Variants in SLC10A7 observed in about 807,000 individuals in gnomAD.
SLC10A7 encodes the protein sodium/bile acid cotransporter 7.
A neutral mutation model predicts 43.2 loss-of-function variants in SLC10A7; 29 were observed. That is an observed-to-expected ratio of 0.67 (90% CI 0.50 to 0.92). The LOEUF is 0.92. Among genes scored for constraint, SLC10A7 ranks in the 40% least tolerant of loss-of-function variants. The pLI is 0.00. For synonymous variants in SLC10A7, 152 were observed against 144.8 expected, an observed-to-expected ratio of 1.05 and a Z score of -0.35; for missense variants, 295 against 403.2, an observed-to-expected ratio of 0.73 and a Z score of 2.30.
intron 5 of SLC10A7, among the ~76,000 whole-genome samples, chr4:146,375,681 A>T (rs895143468): frequency 2.6e-5 from 4 of 152,082 alleles, no homozygotes; most frequent in African/African-American, 9.7e-5. Flanking sequence ...GAATGTTGTA[A>T]AGGCTAAGAA....
intron 5 of SLC10A7, among the ~76,000 whole-genome samples, chr4:146,410,056 ATCTCTCACACATTATATCATCTGAT>A (rs1442372483): frequency 6.6e-6 from 1 of 152,214 alleles, no homozygotes; most frequent in Non-Finnish European, 1.5e-5. Flanking sequence ...ATCACAAAGT[ATCTCTCACACATTATATCATCTGAT>A]TCTCACAGTA....
At chr4:146,424,731 T>C (rs866530918) in intron 5 of SLC10A7, among the ~76,000 whole-genome samples, 1 of 151,732 alleles carries the variant, frequency 6.6e-6, no homozygotes, top group Admixed American at 6.6e-5. Context: ...TATAAAACCA[T>C]ATTTGAGACT....
intron 2 of SLC10A7, chr4:146,514,038 C>T (rs1178552408): frequency 6.6e-6 from 1 of 152,160 alleles, no homozygotes; most frequent in Non-Finnish European, 1.5e-5. Flanking sequence ...AACCAGGGCT[C>T]TAATTGGGAC....
intron 5 of SLC10A7, among the ~76,000 whole-genome samples, chr4:146,423,679 C>T (rs1284136546): frequency 6.6e-6 from 1 of 152,148 alleles, no homozygotes; most frequent in Admixed American, 6.5e-5. Flanking sequence ...TAGTGCTACT[C>T]AATAGCCCTA....
intron 5 of SLC10A7, among the ~76,000 whole-genome samples, chr4:146,410,218 A>T (rs897180731): frequency 5.9e-5 from 9 of 152,168 alleles, no homozygotes; most frequent in African/African-American, 1.9e-4. Context: ...CAGGAAATAA[A>T]CTAAGATATT....
intron 5 of SLC10A7, among the ~76,000 whole-genome samples, chr4:146,402,300 T>C (rs1739278373): frequency 6.6e-6 from 1 of 152,224 alleles, no homozygotes; most frequent in African/African-American, 2.4e-5. Flanking sequence ...ACAGGATGTA[T>C]GCTAGTCTTC....
intron 2 of SLC10A7, among the ~76,000 whole-genome samples, chr4:146,512,967 C>A (rs1177955488): frequency 6.6e-6 from 1 of 151,830 alleles, no homozygotes; most frequent in East Asian, 1.9e-4. Flanking sequence ...AAACAATGTA[C>A]AAGACACATT....
At chr4:146,497,081 G>C (rs1707354952) in intron 4 of SLC10A7, among the ~76,000 whole-genome samples, 1 of 152,180 alleles carries the variant, frequency 6.6e-6, no homozygotes, top group Non-Finnish European at 1.5e-5. Context: ...GGAGATTCTT[G>C]AGGCCCATCC....
intron 5 of SLC10A7, among the ~76,000 whole-genome samples, chr4:146,412,126 G>A (rs941620983): frequency 2.0e-5 from 3 of 149,920 alleles, no homozygotes; most frequent in Non-Finnish European, 3.0e-5. Context: ...CTCTACAGTT[G>A]TCTTTTATCT....
intron 10 of SLC10A7, among the ~76,000 whole-genome samples, chr4:146,273,105 G>C (rs999989345): frequency 1.3e-5 from 2 of 152,152 alleles, no homozygotes; most frequent in African/African-American, 2.4e-5. Flanking sequence ...GGAATTAAAA[G>C]CTTCTAATGC....
Position 146,291,633 on chromosome 4 carries a change from C to T in SLC10A7, c.773+1296G>A, listed in dbSNP as rs192333087. 5.3e-5 allele frequency among the ~76,000 whole-genome samples: 8 copies of T among 152,092 alleles called. No individual in the cohort carries two copies. In the East Asian group the frequency reaches 1.5e-3, roughly 29 times the overall value. On this transcript the variant is annotated intron_variant, in intron 9 of 11. Transcript: ENST00000335472. ...TCTTCCTCTACTCCTTTTGTCTCAC[C>T]ATATCTTGATTTTTGTATGTGTCCA... is the stretch of plus-strand genomic sequence containing the variant.
intron 4 of SLC10A7, among the ~76,000 whole-genome samples, chr4:146,465,650 A>G (rs890043013): frequency 6.6e-6 from 1 of 152,158 alleles, no homozygotes; most frequent in Non-Finnish European, 1.5e-5. Context: ...TCCATGCACA[A>G]AGTTCCTATT....
At position 146,365,252 on chromosome 4, in the gene SLC10A7, T is replaced by C. The variant is rs547496156; in HGVS notation, c.436-39256A>G. ...ACAAAGCAAAACACCACCTTTTATT[T>C]ATATAAACACTGAATATAATTAGTA... On this transcript the variant is annotated intron_variant, in intron 5 of 11. Coordinates refer to ENST00000335472, the MANE Select transcript of SLC10A7 (RefSeq NM_001029998.6). 3.9e-5 allele frequency among the ~76,000 whole-genome samples: 6 copies of C among 152,360 alleles called. No individual in the cohort carries two copies. In the East Asian group the frequency reaches 5.8e-4, roughly 15 times the overall value.
chr4:146,366,470 T>C (rs1373788692), intron 5 of SLC10A7, among the ~76,000 whole-genome samples: 1 of 152,154 alleles, frequency 6.6e-6, no homozygotes, highest in African/African-American at 2.4e-5. Context: ...TTTCAGTTTT[T>C]GAATGTGGAA....
At chr4:146,357,872 T>C (rs1735766469) in intron 5 of SLC10A7, among the ~76,000 whole-genome samples, 1 of 152,094 alleles carries the variant, frequency 6.6e-6, no homozygotes, top group Non-Finnish European at 1.5e-5. Context: ...GGCAAAGATG[T>C]GGCAGTTTTC....
intron 5 of SLC10A7, among the ~76,000 whole-genome samples, chr4:146,382,748 T>C (rs1737717050): frequency 6.6e-6 from 1 of 152,124 alleles, no homozygotes; most frequent in Non-Finnish European, 1.5e-5. Context: ...TCCAAATGTG[T>C]TTAAAATCAC....
chr4:146,264,905 C>A (rs990617626), intron 10 of SLC10A7, among the ~76,000 whole-genome samples: 3 of 152,170 alleles, frequency 2.0e-5, no homozygotes, highest in Non-Finnish European at 4.4e-5. Flanking sequence ...ATACTTATAG[C>A]CTTCTGACAT....
chr4:146,301,955 G>A (rs1403646725), intron 7 of SLC10A7, among the ~76,000 whole-genome samples: 1 of 152,054 alleles, frequency 6.6e-6, no homozygotes, highest in Non-Finnish European at 1.5e-5. Context: ...ATAATTTACT[G>A]AATACTTTAC....
At chr4:146,304,328 C>T (rs1222519339) in intron 7 of SLC10A7, among the ~76,000 whole-genome samples, 1 of 151,558 alleles carries the variant, frequency 6.6e-6, no homozygotes, top group East Asian at 1.9e-4. Context: ...TGGTCATAAA[C>T]ACGGAGACCT....
Sources: gnomAD v4.1 joint callset for allele counts (sites outside exome capture counted in the v4.1 genomes callset) on GRCh38, gnomAD v4.1.1 for gene constraint, MANE v1.5 for transcripts, NCBI Gene and HGNC (gene_info 2026-07-23, HGNC 2026-07-21) for gene names.